LIMCH1: variants seen among roughly 807,000 people sequenced by gnomAD.
LIMCH1 encodes the protein LIM and calponin homology domains 1.
A neutral mutation model predicts 176.5 loss-of-function variants in LIMCH1; 113 were observed. The observed-to-expected ratio is 0.64, with a 90% CI of 0.55 to 0.75. The LOEUF is 0.75. Ranked by LOEUF, LIMCH1 falls within the 30% of genes least tolerant of loss-of-function variation. LIMCH1 has a pLI of 0.00. For missense variants in LIMCH1, 1,674 were observed against 1,814.9 expected, an observed-to-expected ratio of 0.92 and a Z score of 1.41; for synonymous variants, 619 against 645.9, an observed-to-expected ratio of 0.96 and a Z score of 0.63.
chr4:41,657,427 T>G (rs918037686), intron 18 of LIMCH1, among the ~76,000 whole-genome samples: 2 of 152,226 alleles, frequency 1.3e-5, no homozygotes, highest in Non-Finnish European at 2.9e-5. Flanking sequence ...TATCCAGACA[T>G]AAGTTAATTA....
intron 2 of LIMCH1, 170 bp downstream of exon 2, chr4:41,599,196 G>A: frequency 1.9e-6 from 1 of 534,674 alleles, no homozygotes; most frequent in Non-Finnish European, 3.4e-6. Flanking sequence ...TTCCCTCTGT[G>A]CATAGCTTTC....
At chr4:41,467,743 C>T (rs1424395329) in intron 1 of LIMCH1, among the ~76,000 whole-genome samples, 1 of 152,198 alleles carries the variant, frequency 6.6e-6, no homozygotes, top group Non-Finnish European at 1.5e-5. Flanking sequence ...ATTATTTTCA[C>T]ACAAAAGATG....
chr4:41,666,103 C>CTT (rs2094812972), intron 20 of LIMCH1, among the ~76,000 whole-genome samples: 1 of 152,242 alleles, frequency 6.6e-6, no homozygotes, highest in Non-Finnish European at 1.5e-5. Context: ...TATGTAATGT[C>CTT]TTTAGAATAA....
At chr4:41,409,268 A>G (rs934460963) in intron 1 of LIMCH1, among the ~76,000 whole-genome samples, 2 of 152,168 alleles carry the variant, frequency 1.3e-5, no homozygotes, top group Non-Finnish European at 2.9e-5. Flanking sequence ...TTGGCTCATT[A>G]TGACTCATGA....
chr4:41,441,803 ATAAAG>A (rs756642422), intron 1 of LIMCH1, among the ~76,000 whole-genome samples: 5 of 152,220 alleles, frequency 3.3e-5, no homozygotes, highest in Admixed American at 1.3e-4. Flanking sequence ...CTTTGCTAAT[ATAAAG>A]TAGTTTGCTA....
chr4:41,641,840 C>A (rs2152914595), intron 14 of LIMCH1, among the ~76,000 whole-genome samples: 1 of 152,300 alleles, frequency 6.6e-6, no homozygotes, highest in Middle Eastern at 3.4e-3. Context: ...GGATGTTCAA[C>A]CATGTACTTC....
At chr4:41,540,038 G>T (rs898599321) in intron 1 of LIMCH1, among the ~76,000 whole-genome samples, 5 of 152,190 alleles carry the variant, frequency 3.3e-5, no homozygotes, top group Non-Finnish European at 5.9e-5. Context: ...GGGCAGCTAG[G>T]AGCTGACATT....
chr4:41,644,490 C>T lies in LIMCH1; in HGVS notation c.2127-10C>T, dbSNP rs748962077. ...GCGGTCCCTCTTGTGTTCGCTCTCT[C>T]CACACTCAGGAGCACCAGCATGTTT... On this transcript the variant is annotated splice_polypyrimidine_tract_variant and intron_variant, in intron 14 of 31. Coordinates refer to ENST00000503057, the MANE Select transcript of LIMCH1 (RefSeq NM_001330672.2). 6.5e-7 allele frequency: 1 copy of T among 1,543,672 alleles called. No homozygotes were observed. Among genetic ancestry groups the T allele is most frequent in the Non-Finnish European group, 8.7e-7 (1 of 1,143,350 alleles).
chr4:41,650,286 T>C (rs2094236406), intron 17 of LIMCH1, 107 bp from the exon 18 acceptor site: 1 of 772,294 alleles, frequency 1.3e-6, no homozygotes, highest in Non-Finnish European at 2.2e-6. Context: ...CATTGGACTC[T>C]GGTTATTAAA....
chr4:41,535,160 C>CAA (rs1491349969), upstream of LIMCH1, among the ~76,000 whole-genome samples: 1 of 59,002 alleles, frequency 1.7e-5, no homozygotes, highest in African/African-American at 9.6e-5. Context: ...CGGACCCTGT[C>CAA]ACAAAAAAAA....
At chr4:41,445,302 C>T (rs1024538485) in intron 1 of LIMCH1, among the ~76,000 whole-genome samples, 7 of 152,182 alleles carry the variant, frequency 4.6e-5, no homozygotes, top group African/African-American at 7.2e-5. Flanking sequence ...CAGTGCACGG[C>T]CCCCATTCTT....
At chr4:41,658,201 C>T (rs1376596846) in intron 18 of LIMCH1, among the ~76,000 whole-genome samples, 1 of 152,190 alleles carries the variant, frequency 6.6e-6, no homozygotes, top group Non-Finnish European at 1.5e-5. Context: ...TGGTACCTAC[C>T]TCCTAAGCTT....
intron 24 of LIMCH1, 63 bp downstream of exon 24, chr4:41,680,161 T>C: frequency 1.8e-6 from 2 of 1,111,686 alleles, no homozygotes; most frequent in South Asian, 2.7e-5. Context: ...CTAGCAACAC[T>C]CTCTGTGTCT....
chr4:41,657,162 G>A (rs2094487654), intron 18 of LIMCH1, among the ~76,000 whole-genome samples: 3 of 152,202 alleles, frequency 2.0e-5, no homozygotes, highest in Admixed American at 2.0e-4. Context: ...ACCTTTCTGT[G>A]CTCTCATTCA....
Position 41,647,123 on chromosome 4 carries a change from A to ATAG in LIMCH1, c.2820+232_2820+234dup, listed in dbSNP as rs377095059. 3.2e-3 allele frequency among the ~76,000 whole-genome samples: 482 copies of ATAG among 152,316 alleles called. 4 individuals are homozygous for ATAG. Among genetic ancestry groups the ATAG allele is most frequent in the African/African-American group, 0.011 (460 of 41,558 alleles). On this transcript the variant is annotated intron_variant, in intron 17 of 31. Coordinates refer to ENST00000503057, the MANE Select transcript of LIMCH1 (RefSeq NM_001330672.2). ...ATACAGATGGACTCCTATAAGACTG[A>ATAG]TAGTGGAGTCGTCTCCATGAGCAAG... is the stretch of plus-strand genomic sequence containing the variant.
intron 23 of LIMCH1, among the ~76,000 whole-genome samples, chr4:41,678,170 G>A (rs143348881): frequency 5.1e-4 from 78 of 151,518 alleles, no homozygotes; most frequent in African/African-American, 1.7e-3. Flanking sequence ...CCACTTATGA[G>A]TGAGAACATG....
chr4:41,502,109 T>C (rs1380415037), intron 2 of LIMCH1, among the ~76,000 whole-genome samples: 2 of 146,862 alleles, frequency 1.4e-5, no homozygotes, highest in African/African-American at 5.1e-5. Flanking sequence ...TTCCCCCTAT[T>C]GTCCATGTGG....
intron 2 of LIMCH1, among the ~76,000 whole-genome samples, chr4:41,501,964 G>A (rs915439036): frequency 1.4e-5 from 2 of 143,210 alleles, no homozygotes; most frequent in African/African-American, 5.2e-5. Flanking sequence ...AGGTAAATGT[G>A]TGCCATGGTG....
chr4:41,431,599 A>G (rs1359193529), intron 1 of LIMCH1, among the ~76,000 whole-genome samples: 2 of 152,208 alleles, frequency 1.3e-5, no homozygotes, highest in Non-Finnish European at 2.9e-5. Flanking sequence ...TTAGTTTTCC[A>G]TTAACTTTCC....
Sources: allele counts gnomAD v4.1 joint callset (sites outside exome capture counted in the v4.1 genomes callset), GRCh38; gene constraint gnomAD v4.1.1; transcripts MANE v1.5; gene names NCBI Gene and HGNC (gene_info 2026-07-23, HGNC 2026-07-21).